CHD1: variants seen among roughly 807,000 people sequenced by gnomAD.
CHD1 encodes ATP-dependent chromatin remodeler CHD1.
In CHD1, 36 loss-of-function variants were observed where a neutral mutation model predicts 224.2. That is an observed-to-expected ratio of 0.16 (90% CI 0.12 to 0.21). The LOEUF (loss-of-function observed/expected upper bound fraction) is 0.21. Among genes scored for constraint, CHD1 ranks in the 10% least tolerant of loss-of-function variants. The probability of loss-of-function intolerance (pLI) is 1.00; values close to 1 mark genes in which losing one functional copy is unlikely to be tolerated. For missense variants in CHD1, 1,378 were observed against 1,994.8 expected, an observed-to-expected ratio of 0.69 and a Z score of 5.89; for synonymous variants, 668 against 658.3, an observed-to-expected ratio of 1.01 and a Z score of -0.23.
chr5:98,884,328 C>A (rs150196465), intron 18 of CHD1, among the ~76,000 whole-genome samples: 657 of 152,236 alleles, frequency 4.3e-3, no homozygotes, highest in Non-Finnish European at 7.5e-3. Context: ...CCCGTCTCAG[C>A]CTCCCAAAGT....
At chr5:98,917,836 C>A (rs1248366043) in intron 2 of CHD1, among the ~76,000 whole-genome samples, 2 of 152,152 alleles carry the variant, frequency 1.3e-5, no homozygotes, top group African/African-American at 4.8e-5. Flanking sequence ...TCTGACTCAA[C>A]AGTCACCTCA....
At chr5:98,859,869 T>C (rs1199510373) in intron 33 of CHD1, 103 bp downstream of exon 33, 1 of 584,400 alleles carries the variant, frequency 1.7e-6, no homozygotes, top group Non-Finnish European at 3.0e-6. Flanking sequence ...TTTTTAAATT[T>C]ATCTTATTCA....
At position 98,900,966 on chromosome 5, in the gene CHD1, T is replaced by C. The variant is rs933482869; in HGVS notation, c.704A>G (p.Gln235Arg). The C allele has an allele frequency of 5.6e-6, 9 of 1,614,098 alleles. No individual in the cohort carries two copies. The highest frequency in any genetic ancestry group is 4.0e-5 in the African/African-American group (3 of 75,030). Residue 235 changes from glutamine to arginine, a missense_variant, in exon 7 of 36, where the codon CAA becomes CGA. Physicochemically the swap from Gln to Arg is conservative, Grantham distance 43 (BLOSUM62 1). This residue lies in a region of CHD1 where 306 missense variants were observed against 298.1 expected (regional missense o/e 1.03). Transcript: ENST00000614616. ...CTTATAGCTAACATTAACAGTTGCT[T>C]GGCGACGAGAACTTCTTTTATCATT... ...YDNDKRSSRR[Q>R]ATVNVSYKED...
At chr5:98,888,705 A>C (rs2112448911) in intron 16 of CHD1, among the ~76,000 whole-genome samples, 1 of 152,336 alleles carries the variant, frequency 6.6e-6, no homozygotes, top group Middle Eastern at 3.4e-3. Flanking sequence ...TTCCAGAAGT[A>C]CCAGGAAGGG....
intron 30 of CHD1, 83 bp from the exon 31 acceptor site, chr5:98,868,718 ACT>A (rs1749093833): frequency 1.6e-6 from 2 of 1,277,672 alleles, no homozygotes; most frequent in Non-Finnish European, 2.1e-6. Flanking sequence ...GAAAATAATT[ACT>A]GTCTCATTTT....
At chr5:98,903,189 T>C (rs1342885190) in intron 4 of CHD1, among the ~76,000 whole-genome samples, 6 of 152,206 alleles carry the variant, frequency 3.9e-5, no homozygotes, top group African/African-American at 1.4e-4. Flanking sequence ...GTCAGCACTT[T>C]GTATGAAACC....
At position 98,876,187 on chromosome 5, in the gene CHD1, GATAA is replaced by G. The variant is rs1263965969; in HGVS notation, c.3398+207_3398+210del. Among the ~76,000 whole-genome samples, 30 of 152,276 alleles carry G rather than the reference GATAA, an allele frequency of 2.0e-4. 1 individual carries two copies. Among genetic ancestry groups the G allele is most frequent in the South Asian group, 1.9e-3 (9 of 4,826 alleles). On this transcript the variant is annotated intron_variant, in intron 24 of 35. Coordinates refer to ENST00000614616, the MANE Select transcript of CHD1 (RefSeq NM_001270.4). ...AATTGTGTAGTCTAAGCAGTTTAGC[GATAA>G]ATAAATAACATGCAAAGATTAGACA...
In CHD1 at chr5:98,873,688, T is replaced by C; in HGVS notation, c.3476A>G (p.Asp1159Gly). Residue 1159 changes from aspartate (D) to glycine (G), a missense_variant, in exon 26 of 36, where the codon GAT becomes GGT. By Grantham distance (94) the Asp-to-Gly change is moderately conservative. Around this residue, in one of 16 missense-constraint regions of CHD1, gnomAD observed 286 missense variants for 445.1 expected, o/e 0.64. Coordinates refer to ENST00000614616, the MANE Select transcript of CHD1 (RefSeq NM_001270.4). ...DAIARDAELV[D>G]KSETDLRRLG... ...TCGTCTAAGGTCTGTTTCTGACTTA[T>C]CAACTAACTCAGCATCTCGAGCAAT... 6.2e-7 allele frequency: 1 copy of C among 1,610,196 alleles called. No homozygotes were observed. Among genetic ancestry groups the C allele is most frequent in the Non-Finnish European group, 8.5e-7 (1 of 1,178,396 alleles).
chr5:98,872,125 T>G lies in CHD1; in HGVS notation c.3787A>C (p.Ile1263Leu). 6.2e-7 allele frequency: 1 copy of G among 1,613,650 alleles called. No individual in the cohort carries two copies. The change falls in exon 28 of 36, where the codon ATT (isoleucine) becomes CTT (leucine). Residue 1263 changes from isoleucine (I) to leucine (L), a missense_variant. Physicochemically the swap from Ile to Leu is conservative, Grantham distance 5. Around this residue, in one of 16 missense-constraint regions of CHD1, gnomAD observed 286 missense variants for 445.1 expected, o/e 0.64. Transcript: ENST00000614616. ...CCATATCCATATTCATAGATGCCAA[T>G]TAACAAATTGGAATCATCTTCTTTG... ...WGKEDDSNLL[I>L]GIYEYGYGSW... is the part of the protein sequence containing the mutation.
At chr5:98,909,854 T>C (rs937620239) in intron 2 of CHD1, among the ~76,000 whole-genome samples, 3 of 152,134 alleles carry the variant, frequency 2.0e-5, no homozygotes, top group Non-Finnish European at 4.4e-5. Flanking sequence ...AACTCTCCCA[T>C]CTTTTTCCAA....
Position 98,870,803 on chromosome 5 carries a change from T to C in CHD1, c.3862A>G (p.Ile1288Val). Reference protein sequence around the residue: ...MDPDLSLTHKILPDDPDKKPQ... With the variant: ...MDPDLSLTHKVLPDDPDKKPQ... ...TTTTTATCGGGATCATCTGGAAGAA[T>C]CTGAAAAAGCAATAAATTTTTTCAG... The change falls in exon 29 of 36, where the codon ATT becomes GTT. Residue 1288 changes from isoleucine to valine, a missense_variant and splice_region_variant. By Grantham distance (29) the Ile-to-Val change is conservative. Around this residue, in one of 16 missense-constraint regions of CHD1, gnomAD observed 286 missense variants for 445.1 expected, o/e 0.64. Transcript: ENST00000614616. 1 of 1,600,034 alleles carries C rather than the reference T, an allele frequency of 6.2e-7. No individual in the cohort carries two copies. Among genetic ancestry groups the C allele is most frequent in the Non-Finnish European group, 8.5e-7 (1 of 1,170,236 alleles).
Position 98,922,844 on chromosome 5 carries a change from C to G in CHD1, c.53+3490G>C, listed in dbSNP as rs148169875. Reference sequence around the variant, plus strand: ...TCTCTGCTAAAAATACAAAAATTAGCTGGATGCAGTGGTGCATGCCTGTAG... The same window carrying G: ...TCTCTGCTAAAAATACAAAAATTAGGTGGATGCAGTGGTGCATGCCTGTAG... On this transcript the variant is annotated intron_variant, in intron 2 of 35. Coordinates refer to ENST00000614616, the MANE Select transcript of CHD1 (RefSeq NM_001270.4). 1.5e-3 allele frequency among the ~76,000 whole-genome samples: 230 copies of G among 152,254 alleles called. 1 individual carries two copies. In the East Asian group the frequency reaches 0.015, roughly 10 times the overall value.
At position 98,856,649 on chromosome 5, in the gene CHD1, T is replaced by C; in HGVS notation, c.4864A>G (p.Ser1622Gly). Reference protein sequence around the residue: ...SRDHRSNLEGSLKDRSHSDHR... With the variant: ...SRDHRSNLEGGLKDRSHSDHR... ...TCAGAATGAGATCTATCTTTTAAAC[T>C]TCCTTCCAAATTTGACCTGTGATCT... The change falls in exon 36 of 36, where the codon AGT becomes GGT. Residue 1622 changes from serine to glycine, a missense_variant. Transcript: ENST00000614616. 6.2e-7 allele frequency: 1 copy of C among 1,613,754 alleles called. No individual in the cohort carries two copies. The highest frequency in any genetic ancestry group is 1.1e-5 in the South Asian group (1 of 91,062).
intron 33 of CHD1, 117 bp from the exon 34 acceptor site, chr5:98,859,132 T>A: frequency 1.4e-6 from 1 of 721,394 alleles, no homozygotes; most frequent in Non-Finnish European, 2.3e-6. Context: ...TATTAGAATG[T>A]TTATGTGTGT....
rs1292143989 is a variant in CHD1, at chr5:98,898,427, G to A, written c.1194C>T (p.Ser398=). 2.6e-6 allele frequency: 4 copies of A among 1,565,998 alleles called. No individual in the cohort carries two copies. The highest frequency in any genetic ancestry group is 2.8e-5 in the African/African-American group (2 of 72,358). The part of the protein sequence containing the change: ...YQIVERIIAH[S]NQKSAAGYPD... ...GATAACCAGCTGCTGACTTTTGATTGGAATGAGCTGTGAGAGAATCAGGCA... is the reference window on the plus strand; with the variant it reads ...GATAACCAGCTGCTGACTTTTGATTAGAATGAGCTGTGAGAGAATCAGGCA... Residue 398 remains serine (S), a synonymous_variant, in exon 10 of 36, where the codon TCC becomes TCT. Coordinates refer to ENST00000614616, the MANE Select transcript of CHD1 (RefSeq NM_001270.4).
At chr5:98,909,922 T>A (rs1004077299) in intron 2 of CHD1, among the ~76,000 whole-genome samples, 2 of 152,200 alleles carry the variant, frequency 1.3e-5, no homozygotes, top group East Asian at 1.9e-4. Flanking sequence ...TAGTCTTTGA[T>A]AACCTGCCTA....
chr5:98,922,143 C>A (rs1055364950), intron 2 of CHD1, among the ~76,000 whole-genome samples: 2 of 152,184 alleles, frequency 1.3e-5, no homozygotes, highest in East Asian at 1.9e-4. Flanking sequence ...CAGTGAGACT[C>A]CATCTCAATT....
chr5:98,881,277 ACC>A lies in CHD1; in HGVS notation c.2964_2964+1del. ...CTTTTTTTTTTTTTTTTTTTTTTTT[ACC>A]TGGGGCTCTTGTTCTTCTCCTTCAG... is the stretch of plus-strand genomic sequence containing the variant. On this transcript the variant is annotated splice_donor_variant and coding_sequence_variant, in exon 21 of 36. Transcript: ENST00000614616. LOFTEE classifies it high-confidence loss of function. 2 of 767,836 alleles carry A rather than the reference ACC, an allele frequency of 2.6e-6. No homozygotes were observed. The highest frequency in any genetic ancestry group is 3.4e-6 in the Non-Finnish European group (2 of 581,202). 47.6% of individuals were successfully genotyped at this position (767,836 alleles called of 1,614,324 possible). A position where few individuals can be genotyped will look rare whatever the true frequency, so the allele number is the denominator to read the frequency against.
chr5:98,873,696 C>T lies in CHD1; in HGVS notation c.3468G>A (p.Glu1156=), dbSNP rs1749534187. Residue 1156 remains glutamate (E), a synonymous_variant, in exon 26 of 36, where the codon GAG becomes GAA. Transcript: ENST00000614616. ...GGTCTGTTTCTGACTTATCAACTAA[C>T]TCAGCATCTCGAGCAATTGCATCTA... ...ERLDAIARDA[E]LVDKSETDLR... 2 of 1,610,298 alleles carry T rather than the reference C, an allele frequency of 1.2e-6. No homozygotes were observed. The highest frequency in any genetic ancestry group is 1.7e-6 in the Non-Finnish European group (2 of 1,178,574).
Sources: gnomAD v4.1 joint callset for allele counts (sites outside exome capture counted in the v4.1 genomes callset) on GRCh38, gnomAD v4.1.1 for gene constraint, gnomAD v4.1.1 regional missense constraint, MANE v1.5 for transcripts, NCBI Gene and HGNC (gene_info 2026-07-23, HGNC 2026-07-21) for gene names.